SNX25: variants seen among roughly 807,000 people sequenced by gnomAD.
SNX25 encodes sorting nexin-25.
In SNX25, 62 loss-of-function variants were observed where a neutral mutation model predicts 113.7. The ratio of observed to expected loss-of-function variants is 0.55; its 90% confidence interval spans 0.44 to 0.67. The LOEUF is 0.67. Ranked by LOEUF, SNX25 falls within the 30% of genes least tolerant of loss-of-function variation. The probability of loss-of-function intolerance (pLI) is 0.00; values close to 1 mark genes in which losing one functional copy is unlikely to be tolerated. For synonymous variants in SNX25, 421 were observed against 436.2 expected, an observed-to-expected ratio of 0.97 and a Z score of 0.43; for missense variants, 1,014 against 1,161.0, an observed-to-expected ratio of 0.87 and a Z score of 1.84.
chr4:185,325,104 C>T (rs2095147169), intron 9 of SNX25, among the ~76,000 whole-genome samples: 1 of 152,034 alleles, frequency 6.6e-6, no homozygotes, highest in African/African-American at 2.4e-5. Context: ...GCTTTTTAGC[C>T]CTTTCTTTAA....
chr4:185,348,157 A>G (rs1357418563), intron 13 of SNX25, among the ~76,000 whole-genome samples: 1 of 152,142 alleles, frequency 6.6e-6, no homozygotes, highest in East Asian at 1.9e-4. Context: ...TTGCTGCACC[A>G]TCTATATTCA....
rs536063832 is a variant in SNX25 at position 185,328,953 on chromosome 4, G to T, written c.1750-3642G>T. ...AGATGCAGGGAAATGAGAATACGGA[G>T]GGGGTTCATCTGCAGGCTCAAAAGG... On this transcript the variant is annotated intron_variant, in intron 9 of 18. Coordinates refer to ENST00000652585, the MANE Select transcript of SNX25 (RefSeq NM_001378034.2). Among the ~76,000 whole-genome samples the T allele has an allele frequency of 5.7e-4, 87 of 152,228 alleles. 1 individual carries two copies. The highest frequency in any genetic ancestry group is 2.0e-3 in the African/African-American group (83 of 41,530).
chr4:185,274,430 G>A (rs1197409367), intron 5 of SNX25, among the ~76,000 whole-genome samples: 1 of 152,160 alleles, frequency 6.6e-6, no homozygotes, highest in African/African-American at 2.4e-5. Flanking sequence ...TTATTGGTCA[G>A]AACATTTGAG....
At chr4:185,359,177 A>G (rs554476034) in intron 16 of SNX25, among the ~76,000 whole-genome samples, 1 of 152,180 alleles carries the variant, frequency 6.6e-6, no homozygotes, top group East Asian at 1.9e-4. Context: ...ACATGGTGAG[A>G]CCCTGTCTCT....
At chr4:185,333,437 T>C (rs935687384) in intron 10 of SNX25, among the ~76,000 whole-genome samples, 3 of 152,228 alleles carry the variant, frequency 2.0e-5, no homozygotes, top group African/African-American at 7.2e-5. Context: ...TTGGGTTTTC[T>C]GTGAGCAGGT....
At chr4:185,217,851 T>G (rs1739120396) in intron 1 of SNX25, among the ~76,000 whole-genome samples, 1 of 152,196 alleles carries the variant, frequency 6.6e-6, no homozygotes, top group South Asian at 2.1e-4. Flanking sequence ...CTGAAATAAT[T>G]GCATACCACC....
intron 5 of SNX25, among the ~76,000 whole-genome samples, chr4:185,269,975 T>C (rs1014482178): frequency 1.3e-5 from 2 of 152,024 alleles, no homozygotes; most frequent in Non-Finnish European, 2.9e-5. Flanking sequence ...GAATGAATCT[T>C]GATAAGAATT....
At chr4:185,358,225 G>A (rs746445079) in intron 16 of SNX25, among the ~76,000 whole-genome samples, 13 of 152,144 alleles carry the variant, frequency 8.5e-5, no homozygotes, top group Non-Finnish European at 1.9e-4. Context: ...TAATATCTGC[G>A]TATCCACTGG....
intron 12 of SNX25, among the ~76,000 whole-genome samples, chr4:185,345,789 CA>C (rs527619447): frequency 0.04 from 5,727 of 141,940 alleles, 172 homozygotes; most frequent in African/African-American, 0.089. Flanking sequence ...GACCCTGTTT[CA>C]AAAAAAAAAA....
chr4:185,283,015 A>G (rs991018764), intron 5 of SNX25, among the ~76,000 whole-genome samples: 3 of 152,214 alleles, frequency 2.0e-5, no homozygotes, highest in Admixed American at 6.5e-5. Flanking sequence ...GAGAAAGTCA[A>G]TCATTTCCTC....
intron 9 of SNX25, among the ~76,000 whole-genome samples, chr4:185,332,301 G>A (rs1000993513): frequency 2.0e-5 from 3 of 152,132 alleles, no homozygotes; most frequent in African/African-American, 7.2e-5. Context: ...CTGAGTTGCC[G>A]TCCCTTGTTC....
chr4:185,215,508 A>G (rs1738669216), intron 1 of SNX25, among the ~76,000 whole-genome samples: 1 of 152,224 alleles, frequency 6.6e-6, no homozygotes. Flanking sequence ...AAACAAACTC[A>G]TTTAGTTACT....
chr4:185,311,526 A>G (rs1421702907), intron 7 of SNX25, among the ~76,000 whole-genome samples: 4 of 152,234 alleles, frequency 2.6e-5, no homozygotes, highest in Non-Finnish European at 4.4e-5. Context: ...AGAAGGAAGC[A>G]GCCACGTGAC....
chr4:185,319,398 C>T (rs1422020810), intron 7 of SNX25, among the ~76,000 whole-genome samples: 2 of 149,754 alleles, frequency 1.3e-5, no homozygotes, highest in South Asian at 2.1e-4. Context: ...GGGGTTTCTC[C>T]GTGTTGGTCA....
At chr4:185,269,515 C>A (rs1560953961) in intron 5 of SNX25, among the ~76,000 whole-genome samples, 1 of 152,166 alleles carries the variant, frequency 6.6e-6, no homozygotes, top group African/African-American at 2.4e-5. Flanking sequence ...AGTCGTTCCA[C>A]AGTAAAGGCA....
chr4:185,310,826 T>C lies in SNX25; in HGVS notation c.1344+10T>C, dbSNP rs538824180. On this transcript the variant is annotated intron_variant, in intron 7 of 18. Coordinates refer to ENST00000652585, the MANE Select transcript of SNX25 (RefSeq NM_001378034.2). Reference sequence around the variant, plus strand: ...GCCTCAAAGCCAGAAGGTAGAACTTTATAGTTTCTTGTTTTGACCCTACCA... The same window carrying C: ...GCCTCAAAGCCAGAAGGTAGAACTTCATAGTTTCTTGTTTTGACCCTACCA... 11 of 1,592,566 alleles carry C rather than the reference T, an allele frequency of 6.9e-6. 1 individual carries two copies. Among genetic ancestry groups the C allele is most frequent in the Middle Eastern group, 1.9e-4 (1 of 5,294 alleles).
At chr4:185,355,026 A>G (rs2095333061) in intron 15 of SNX25, among the ~76,000 whole-genome samples, 1 of 152,252 alleles carries the variant, frequency 6.6e-6, no homozygotes, top group South Asian at 2.1e-4. Flanking sequence ...GGTCTTACAT[A>G]GGAAATGGGG....
chr4:185,354,471 G>A (rs911491631), intron 15 of SNX25, among the ~76,000 whole-genome samples: 5 of 152,120 alleles, frequency 3.3e-5, no homozygotes, highest in African/African-American at 9.7e-5. Flanking sequence ...CATCTAGCAG[G>A]TAGAGTCTGG....
intron 6 of SNX25, among the ~76,000 whole-genome samples, chr4:185,292,320 G>T (rs898466247): frequency 6.6e-6 from 1 of 152,172 alleles, no homozygotes; most frequent in Non-Finnish European, 1.5e-5. Context: ...TTGGCTGAGT[G>T]TAGTGACTCT....
Sources: gnomAD v4.1 joint callset for allele counts (sites outside exome capture counted in the v4.1 genomes callset) on GRCh38, gnomAD v4.1.1 for gene constraint, MANE v1.5 for transcripts, NCBI Gene and HGNC (gene_info 2026-07-23, HGNC 2026-07-21) for gene names.